ZNF433: variants seen among roughly 807,000 people sequenced by gnomAD.
ZNF433 encodes the protein zinc finger protein 433.
A neutral mutation model predicts 10.6 loss-of-function variants in ZNF433; 12 were observed. The observed-to-expected ratio is 1.13, with a 90% CI of 0.72 to 1.83. The LOEUF (loss-of-function observed/expected upper bound fraction) is 1.83. ZNF433 is among the 40% of genes most tolerant of loss of function. The probability of loss-of-function intolerance (pLI) is 0.00; values close to 1 mark genes in which losing one functional copy is unlikely to be tolerated. For synonymous variants in ZNF433, 272 were observed against 271.3 expected, an observed-to-expected ratio of 1.00 and a Z score of -0.02; for missense variants, 737 against 798.0, an observed-to-expected ratio of 0.92 and a Z score of 0.92.
intron 1 of ZNF433, among the ~76,000 whole-genome samples, chr19:12,029,748 G>A (rs1183092392): frequency 6.6e-6 from 1 of 151,640 alleles, no homozygotes; most frequent in Non-Finnish European, 1.5e-5. Flanking sequence ...TGAGACACAG[G>A]ATAGCTTGTT....
chr19:12,035,672 G>C lies in ZNF433; in HGVS notation c.-133C>G, dbSNP rs1033153666. On this transcript the variant is annotated 5_prime_UTR_variant, in exon 1 of 4. Transcript: ENST00000550507. The stretch of plus-strand genomic sequence containing the variant: ...ACCTCAGCTCGCCGCCTGGAGCCGG[G>C]AACCGAGGAGAGCAGGGCCTTCGCC... The C allele has an allele frequency of 1.9e-5, 24 of 1,268,164 alleles. No homozygotes were observed. Among genetic ancestry groups the C allele is most frequent in the Non-Finnish European group, 2.5e-5 (23 of 916,450 alleles). 78.6% of individuals were successfully genotyped at this position (1,268,164 alleles called of 1,614,324 possible). A position where few individuals can be genotyped will look rare whatever the true frequency, so the allele number is the denominator to read the frequency against.
intron 1 of ZNF433, among the ~76,000 whole-genome samples, chr19:12,022,575 T>A (rs951172942): frequency 1.3e-5 from 2 of 152,130 alleles, no homozygotes; most frequent in African/African-American, 4.8e-5. Flanking sequence ...AGTTGGAGAA[T>A]GTGGAACTAA....
intron 1 of ZNF433, among the ~76,000 whole-genome samples, chr19:12,028,653 A>C (rs558758579): frequency 5.3e-5 from 8 of 152,360 alleles, no homozygotes; most frequent in African/African-American, 1.9e-4. Flanking sequence ...ATAGCCTGTT[A>C]AACAAATTTG....
chr19:12,016,046 C>A lies in ZNF433; in HGVS notation c.812G>T (p.Arg271Ile), dbSNP rs1198327598. ...HSSTCLHAHK[R>I]THTGEKPYEC... ...ATATGGCTTCTCCCCAGTGTGAGTTCTTTTATGAGCATGAAGGCATGTGGA... is the reference window on the plus strand; with the variant it reads ...ATATGGCTTCTCCCCAGTGTGAGTTATTTTATGAGCATGAAGGCATGTGGA... The change falls in exon 4 of 4, where the codon AGA (arginine) becomes ATA (isoleucine). Residue 271 changes from arginine (R) to isoleucine (I), a missense_variant. Physicochemically the swap from Arg to Ile is moderately conservative, Grantham distance 97 (BLOSUM62 -3). Coordinates refer to ENST00000550507, the MANE Select transcript of ZNF433 (RefSeq NM_001308348.2). The A allele has an allele frequency of 6.2e-7, 1 of 1,614,108 alleles. No individual in the cohort carries two copies. The highest frequency in any genetic ancestry group is 8.5e-7 in the Non-Finnish European group (1 of 1,180,022).
In ZNF433 at chr19:12,014,825, CAGCCTCCTA is replaced by C. The variant is rs776890476; in HGVS notation, c.*11_*19del. The stretch of plus-strand genomic sequence containing the variant: ...CTGGGCTTAAGCAGTCCCCCCACCT[CAGCCTCCTA>C]AAGCCTGGGGTTATGGGGTGTCTAT... On this transcript the variant is annotated 3_prime_UTR_variant, in exon 4 of 4. Coordinates refer to ENST00000550507, the MANE Select transcript of ZNF433 (RefSeq NM_001308348.2). The C allele has an allele frequency of 3.3e-6, 5 of 1,511,962 alleles. No homozygotes were observed. The highest frequency in any genetic ancestry group is 4.4e-6 in the Non-Finnish European group (5 of 1,128,666). The allele number at this position is 1,511,962 out of a possible 1,614,324, so 93.7% of individuals were successfully genotyped here.
intron 3 of ZNF433, 98 bp downstream of exon 3, chr19:12,017,778 G>C: frequency 1.2e-6 from 1 of 809,572 alleles, no homozygotes; most frequent in Non-Finnish European, 1.9e-6. Context: ...GATTGAAATT[G>C]TGCTTATTTC....
Position 12,015,647 on chromosome 19 carries a change from C to A in ZNF433, c.1211G>T (p.Ser404Ile), listed in dbSNP as rs552135002. ...AGTTCTTTCATGATATCGGAAGGAA[C>A]TGGAAGAATTAAAGGCTTTACCACA... ...NQCGKAFNSSSSFRYHERTHT... is the reference protein window; with the variant it reads ...NQCGKAFNSSISFRYHERTHT... The change falls in exon 4 of 4, where the codon AGT becomes ATT. Residue 404 changes from serine (S) to isoleucine (I), a missense_variant. Ser to Ile is a moderately radical substitution (Grantham distance 142, BLOSUM62 -2). Transcript: ENST00000550507. 1.2e-6 allele frequency: 2 copies of A among 1,612,764 alleles called. No individual in the cohort carries two copies. Among genetic ancestry groups the A allele is most frequent in the East Asian group, 2.2e-5 (1 of 44,706 alleles).
rs752108315 is a variant in ZNF433 at position 12,015,352 on chromosome 19, G to C, written c.1506C>G (p.Thr502=). The C allele has an allele frequency of 5.6e-6, 9 of 1,613,768 alleles. No homozygotes were observed. In the East Asian group the frequency reaches 2.0e-4, roughly 36 times the overall value. Residue 502 remains threonine, a synonymous_variant, in exon 4 of 4, where the codon ACC becomes ACG. Coordinates refer to ENST00000550507, the MANE Select transcript of ZNF433 (RefSeq NM_001308348.2). The stretch of plus-strand genomic sequence containing the variant: ...ATCTGCCACACTGCTTGCATTCATA[G>C]GTTTTTCCTCCAGTGTGAGTCCTTT... The part of the protein sequence containing the change: ...RHERTHTGGK[T]YECKQCGRSF...
rs762016183 is a variant in ZNF433 at position 12,018,081 on chromosome 19, T to C, written c.130+85A>G. On this transcript the variant is annotated intron_variant, in intron 2 of 3. Coordinates refer to ENST00000550507, the MANE Select transcript of ZNF433 (RefSeq NM_001308348.2). ...CCACATTGTAAATCACTCAACAGCA[T>C]ACATGAGCTAAAAATACTTGTTCTC... 353 of 1,447,096 alleles carry C rather than the reference T, an allele frequency of 2.4e-4. 1 individual carries two copies. Among genetic ancestry groups the C allele is most frequent in the Admixed American group, 2.0e-4 (8 of 40,534 alleles). 89.6% of individuals were successfully genotyped at this position (1,447,096 alleles called of 1,614,324 possible).
At chr19:12,029,640 C>T (rs968923228) in intron 1 of ZNF433, among the ~76,000 whole-genome samples, 1 of 151,088 alleles carries the variant, frequency 6.6e-6, no homozygotes, top group Non-Finnish European at 1.5e-5. Flanking sequence ...ACACCCTAAC[C>T]TGTAATACGA....
chr19:12,018,377 G>A (rs1222068292), intron 1 of ZNF433, 85 bp from the exon 2 acceptor site: 5 of 1,460,160 alleles, frequency 3.4e-6, no homozygotes, highest in Non-Finnish European at 4.6e-6. Context: ...AGGTTTCCAT[G>A]ATGCTGTGGA....
rs1444874494 is a variant in ZNF433 at position 12,018,125 on chromosome 19, G to C, written c.130+41C>G. 4.6e-6 allele frequency: 7 copies of C among 1,518,642 alleles called. 1 individual carries two copies. The South Asian group carries it at 5.4e-5, about 12-fold the overall frequency. The allele number at this position is 1,518,642 out of a possible 1,614,324, so 94.1% of individuals were successfully genotyped here. On this transcript the variant is annotated intron_variant, in intron 2 of 3. Coordinates refer to ENST00000550507, the MANE Select transcript of ZNF433 (RefSeq NM_001308348.2). The stretch of plus-strand genomic sequence containing the variant: ...TGTTCTCAGAAAAAAAAAAAAACTT[G>C]TTGTCTCATTTACTGAAGGAAGTAA...
chr19:12,014,724 A>C lies in ZNF433; in HGVS notation c.*121T>G. On this transcript the variant is annotated 3_prime_UTR_variant, in exon 4 of 4. Transcript: ENST00000550507. ...GATTTCTCAACTGCCATTACCACCAACTGGAAGTCTTTTTATTTATTTATT... is the reference window on the plus strand; with the variant it reads ...GATTTCTCAACTGCCATTACCACCACCTGGAAGTCTTTTTATTTATTTATT... 1.3e-6 allele frequency: 1 copy of C among 763,054 alleles called. No individual in the cohort carries two copies. Among genetic ancestry groups the C allele is most frequent in the East Asian group, 2.8e-5 (1 of 35,400 alleles). 47.3% of individuals were successfully genotyped at this position (763,054 alleles called of 1,614,324 possible).
chr19:12,030,003 A>G (rs193003425), intron 1 of ZNF433: 1 of 216,578 alleles, frequency 4.6e-6, no homozygotes, highest in Admixed American at 6.3e-5. Context: ...AATTGCTTGA[A>G]TCCCAGAGGC....
intron 1 of ZNF433, among the ~76,000 whole-genome samples, chr19:12,035,309 G>A (rs1006965392): frequency 6.6e-6 from 1 of 152,176 alleles, no homozygotes; most frequent in Non-Finnish European, 1.5e-5. Context: ...GAGGGCTCTG[G>A]GAACTGGGTG....
rs749194025 is a variant in ZNF433 at position 12,015,223 on chromosome 19, C to T, written c.1635G>A (p.Gln545=). The change falls in exon 4 of 4, where the codon CAG becomes CAA. Residue 545 remains glutamine (Q), a synonymous_variant. Transcript: ENST00000550507. ...QCGKAFRSAS[Q]LQIHGRTHTG... is the part of the protein sequence containing the mutation. Reference sequence around the variant, plus strand: ...TGTGAGTCCTTCCATGAATTTGAAGCTGTGAGGCAGATCTGAAGGCTTTTC... The same window carrying T: ...TGTGAGTCCTTCCATGAATTTGAAGTTGTGAGGCAGATCTGAAGGCTTTTC... 6.2e-6 allele frequency: 10 copies of T among 1,608,802 alleles called. No individual in the cohort carries two copies. The South Asian group carries it at 9.9e-5, about 16-fold the overall frequency.
intron 1 of ZNF433, chr19:12,027,222 T>C (rs367893674): frequency 1.5e-5 from 6 of 392,446 alleles, no homozygotes; most frequent in African/African-American, 1.1e-4. Context: ...TCAATGATGA[T>C]TGTGCTTTTA....
Position 12,014,922 on chromosome 19 carries a change from T to G in ZNF433, c.1936A>C (p.Asn646His). 2 of 1,613,962 alleles carry G rather than the reference T, an allele frequency of 1.2e-6. No individual in the cohort carries two copies. The highest frequency in any genetic ancestry group is 1.7e-6 in the Non-Finnish European group (2 of 1,179,934). ...CATCTAAAGACTTTACCACATTGGT[T>G]ACATTTATAGGGTTTCTCTCCAGTG... ...THTGEKPYKC[N>H]QCGKVFRCSS... is the part of the protein sequence containing the mutation. The change falls in exon 4 of 4, where the codon AAC (asparagine) becomes CAC (histidine). Residue 646 changes from asparagine (N) to histidine (H), a missense_variant. Physicochemically the swap from Asn to His is moderately conservative, Grantham distance 68. Coordinates refer to ENST00000550507, the MANE Select transcript of ZNF433 (RefSeq NM_001308348.2).
chr19:12,021,138 C>T (rs79955364), intron 1 of ZNF433, among the ~76,000 whole-genome samples: 2,548 of 151,902 alleles, frequency 0.017, 57 homozygotes, highest in African/African-American at 0.05. Flanking sequence ...CACCACTATA[C>T]CCGGCTAATT....
Sources: gnomAD v4.1 joint callset for allele counts (sites outside exome capture counted in the v4.1 genomes callset) on GRCh38, gnomAD v4.1.1 for gene constraint, MANE v1.5 for transcripts, NCBI Gene and HGNC (gene_info 2026-07-23, HGNC 2026-07-21) for gene names.